ADGRL1: variants seen among roughly 807,000 people sequenced by gnomAD.
ADGRL1 encodes adhesion G protein-coupled receptor L1.
Under a neutral mutation model 148.9 loss-of-function variants are expected in ADGRL1, and 31 were observed. The ratio of observed to expected loss-of-function variants is 0.21; its 90% CI spans 0.16 to 0.28. The LOEUF (loss-of-function observed/expected upper bound fraction) is 0.28, where lower values mean the gene tolerates loss of function less well. ADGRL1 is among the 10% of genes least tolerant of loss of function. The probability of loss-of-function intolerance (pLI) is 1.00; values close to 1 mark genes in which losing one functional copy is unlikely to be tolerated. For missense variants in ADGRL1, 1,521 were observed against 2,058.8 expected (o/e 0.74, Z 5.05); for synonymous variants, 937 against 900.3 (o/e 1.04, Z -0.73).
chr19:14,175,234 CA>C (rs1970739553), intron 3 of ADGRL1, among the ~76,000 whole-genome samples: 1 of 152,124 alleles, frequency 6.6e-6, no homozygotes, highest in Non-Finnish European at 1.5e-5. Context: ...CGTGGTGCCT[CA>C]GCCTGGGGCA....
In ADGRL1 at chr19:14,151,571, G is replaced by T. The variant is rs761036639; in HGVS notation, c.3712C>A (p.Pro1238Thr). 5 of 1,609,102 alleles carry T rather than the reference G, an allele frequency of 3.1e-6. No individual in the cohort carries two copies. The African/African-American group carries it at 5.3e-5, about 17-fold the overall frequency. The change falls in exon 23 of 23, where the codon CCC (proline) becomes ACC (threonine). Residue 1238 changes from proline (P) to threonine (T), a missense_variant. Around this residue, in one of 8 missense-constraint regions of ADGRL1, gnomAD observed 390 missense variants for 375.0 expected, o/e 1.04. Coordinates refer to ENST00000361434, the MANE Select transcript of ADGRL1 (RefSeq NM_014921.5). ...CTGTTATTGAAGTTGCCGTTCAGGG[G>T]CAGGGTGTCCATGCCACAGGCTTCC... ...GREACGMDTL[P>T]LNGNFNNSYS...
intron 1 of ADGRL1, among the ~76,000 whole-genome samples, chr19:14,203,262 A>G (rs1275227385): frequency 2.0e-5 from 3 of 152,176 alleles, no homozygotes; most frequent in Admixed American, 6.5e-5. Context: ...CGTGAGAGGA[A>G]CCCACACAGA....
intron 1 of ADGRL1, 75 bp downstream of exon 1, chr19:14,205,910 T>C (rs1365028962): frequency 1.3e-5 from 2 of 148,866 alleles, no homozygotes; most frequent in East Asian, 4.1e-4. Context: ...CCTTCCCGCC[T>C]CCCCTCTTCC....
Position 14,149,265 on chromosome 19 carries a change from G to A in ADGRL1, c.*1608C>T, listed in dbSNP as rs1433402364. The A allele has an allele frequency of 6.6e-6, 1 of 152,288 alleles. No homozygotes were observed. The highest frequency in any genetic ancestry group is 1.5e-5 in the Non-Finnish European group (1 of 68,132). The allele number at this position is 152,288 out of a possible 1,614,324, so 9.4% of individuals were successfully genotyped here. A position where few individuals can be genotyped will look rare whatever the true frequency, so the allele number is the denominator to read the frequency against. On this transcript the variant is annotated 3_prime_UTR_variant, in exon 23 of 23. Transcript: ENST00000361434. ...AAGCCGCCCAGAACATGGGTGTCCC[G>A]ACCCCAGCCCTGGCACCTGGCTTCG...
intron 1 of ADGRL1, among the ~76,000 whole-genome samples, chr19:14,192,952 C>T (rs1972034538): frequency 6.6e-6 from 1 of 152,080 alleles, no homozygotes; most frequent in African/African-American, 2.4e-5. Context: ...ACAGTGGGTC[C>T]CCAAGCAAAA....
At chr19:14,153,493 G>A (rs995184723) in intron 18 of ADGRL1, among the ~76,000 whole-genome samples, 4 of 144,456 alleles carry the variant, frequency 2.8e-5, no homozygotes, top group Non-Finnish European at 5.9e-5. Flanking sequence ...TTGGCTCACT[G>A]CAACCTCCAC....
intron 1 of ADGRL1, chr19:14,191,621 C>A: frequency 2.6e-6 from 1 of 383,018 alleles, no homozygotes; most frequent in East Asian, 7.3e-5. Context: ...AATTCTCTTC[C>A]GCCTTCTCAC....
chr19:14,167,955 C>A (rs1005184485), intron 4 of ADGRL1, among the ~76,000 whole-genome samples: 1 of 152,118 alleles, frequency 6.6e-6, no homozygotes, highest in African/African-American at 2.4e-5. Context: ...GAGGAAGGGG[C>A]GCGGTTAGAC....
At chr19:14,191,073 C>G (rs1420594250) in intron 1 of ADGRL1, 1 of 450,450 alleles carries the variant, frequency 2.2e-6, no homozygotes, top group Non-Finnish European at 4.5e-6. Context: ...GCCGACAGAG[C>G]AAGACTCCGT....
At chr19:14,170,846 G>T in intron 3 of ADGRL1, 55 bp from the exon 4 acceptor site, 2 of 847,338 alleles carry the variant, frequency 2.4e-6, no homozygotes, top group Non-Finnish European at 2.0e-6. Flanking sequence ...GGTGGCGGGG[G>T]TGGGGGTGCA....
At chr19:14,204,704 C>CAGAGAGAGAGAGAGAGAG (rs1568248291) in intron 1 of ADGRL1, among the ~76,000 whole-genome samples, 1 of 107,634 alleles carries the variant, frequency 9.3e-6, no homozygotes, top group African/African-American at 4.5e-5. Flanking sequence ...TAGAGAAAGA[C>CAGAGAGAGAGAGAGAGAG]AGAGAGAGTG....
At chr19:14,183,779 T>G in intron 1 of ADGRL1, 82 bp from the exon 2 acceptor site, 1 of 598,436 alleles carries the variant, frequency 1.7e-6, no homozygotes, top group East Asian at 2.9e-5. Flanking sequence ...TGAGTAGCTC[T>G]GAGAGGCTGA....
At chr19:14,193,286 A>AAAAAAAAAC (rs1972063658) in intron 1 of ADGRL1, among the ~76,000 whole-genome samples, 2 of 150,816 alleles carry the variant, frequency 1.3e-5, no homozygotes, top group Non-Finnish European at 3.0e-5. Context: ...AAAAAAAAAA[A>AAAAAAAAAC]AAAAAAACTC....
intron 1 of ADGRL1, among the ~76,000 whole-genome samples, chr19:14,205,587 G>A (rs1972941496): frequency 6.6e-6 from 1 of 151,736 alleles, no homozygotes; most frequent in South Asian, 2.1e-4. Flanking sequence ...AGGGCGCCAA[G>A]CACCCGCGCG....
intron 1 of ADGRL1, among the ~76,000 whole-genome samples, chr19:14,188,931 G>A (rs943627761): frequency 4.0e-5 from 6 of 150,682 alleles, no homozygotes; most frequent in African/African-American, 9.8e-5. Context: ...CCACCACCAC[G>A]AGCAGACACG....
intron 1 of ADGRL1, chr19:14,191,587 G>A: frequency 5.1e-6 from 2 of 391,386 alleles, no homozygotes; most frequent in Non-Finnish European, 1.0e-5. Flanking sequence ...AGATCAAGGT[G>A]CCAGCGAATT....
At position 14,205,239 on chromosome 19, in the gene ADGRL1, T is replaced by C. The variant is rs528669760; in HGVS notation, c.-96+746A>G. On this transcript the variant is annotated intron_variant, in intron 1 of 22. Coordinates refer to ENST00000361434, the MANE Select transcript of ADGRL1 (RefSeq NM_014921.5). ...ACCAAACCCTCGCAGCTCAATCCAA[T>C]GCGCACCTGGGGTGGGGGTGGGGAG... Among the ~76,000 whole-genome samples, 11 of 152,008 alleles carry C rather than the reference T, an allele frequency of 7.2e-5. No individual in the cohort carries two copies. The East Asian group carries it at 9.7e-4, about 13-fold the overall frequency.
chr19:14,177,705 C>T lies in ADGRL1; in HGVS notation c.110G>A (p.Arg37Gln). The change falls in exon 3 of 23, where the codon CGG becomes CAG. Residue 37 changes from arginine to glutamine, a missense_variant. Physicochemically the swap from Arg to Gln is conservative, Grantham distance 43. Around this residue, in one of 8 missense-constraint regions of ADGRL1, gnomAD observed 334 missense variants for 512.5 expected, o/e 0.65. Transcript: ENST00000361434. ...RAGLPFGLMR[R>Q]ELACEGYPIE... Reference sequence around the variant, plus strand: ...GGGGTAGCCTTCACACGCCAGCTCCCGGCGCATCAGCCCGAACGGGAGCCC... The same window carrying T: ...GGGGTAGCCTTCACACGCCAGCTCCTGGCGCATCAGCCCGAACGGGAGCCC... The T allele has an allele frequency of 1.9e-6, 3 of 1,613,754 alleles. No individual in the cohort carries two copies. Among genetic ancestry groups the T allele is most frequent in the Non-Finnish European group, 2.5e-6 (3 of 1,179,990 alleles).
chr19:14,186,686 AC>A (rs1442111105), intron 1 of ADGRL1, among the ~76,000 whole-genome samples: 2 of 151,696 alleles, frequency 1.3e-5, no homozygotes, highest in Non-Finnish European at 2.9e-5. Flanking sequence ...ACATTAACTG[AC>A]CCCCTGGTCT....
Sources: gnomAD v4.1 joint callset for allele counts (sites outside exome capture counted in the v4.1 genomes callset) on GRCh38, gnomAD v4.1.1 for gene constraint, gnomAD v4.1.1 regional missense constraint, MANE v1.5 for transcripts, NCBI Gene and HGNC (gene_info 2026-07-23, HGNC 2026-07-21) for gene names.